PREPL: variants seen among roughly 807,000 people sequenced by gnomAD.
PREPL encodes prolyl endopeptidase-like.
Under a neutral mutation model 70.6 loss-of-function variants are expected in PREPL, and 77 were observed. The ratio of observed to expected loss-of-function variants is 1.09; its 90% confidence interval spans 0.91 to 1.32. The LOEUF is 1.32. Ranked by LOEUF, PREPL falls within the 40% of genes most tolerant of loss-of-function variation. The pLI is 0.00. For missense variants in PREPL, 1,002 were observed against 778.2 expected, an observed-to-expected ratio of 1.29 and a Z score of -3.42; for synonymous variants, 315 against 264.8, an observed-to-expected ratio of 1.19 and a Z score of -1.84.
rs779664958 is a variant in PREPL, at chr2:44,318,814, C to A, written c.*2542G>T. ...ACAAAATATAGTTCAATATGAAAAG[C>A]ATTATATGAGACAAAGGCAATTTTC... On this transcript the variant is annotated 3_prime_UTR_variant, in exon 14 of 14. Coordinates refer to ENST00000409411, the MANE Select transcript of PREPL (RefSeq NM_001171613.2). 2.0e-5 allele frequency: 3 copies of A among 152,086 alleles called. No homozygotes were observed. The highest frequency in any genetic ancestry group is 4.4e-5 in the Non-Finnish European group (3 of 68,006). The allele number at this position is 152,086 out of a possible 1,614,324, so 9.4% of individuals were successfully genotyped here.
At chr2:44,341,181 G>A (rs1213256694) in intron 5 of PREPL, among the ~76,000 whole-genome samples, 1 of 151,734 alleles carries the variant, frequency 6.6e-6, no homozygotes, top group Non-Finnish European at 1.5e-5. Flanking sequence ...TTTCTCAATG[G>A]GTTCTTTAAA....
At chr2:44,355,810 T>C (rs971498771) in intron 1 of PREPL, among the ~76,000 whole-genome samples, 47 of 150,944 alleles carry the variant, frequency 3.1e-4, no homozygotes, top group African/African-American at 1.1e-3. Context: ...TATGAGACTA[T>C]TGCAGGAGCT....
chr2:44,323,161 A>C, intron 11 of PREPL, 101 bp downstream of exon 11: 1 of 1,187,032 alleles, frequency 8.4e-7, no homozygotes, highest in East Asian at 2.4e-5. Flanking sequence ...ATAAGTAGAA[A>C]CATCTCTAAA....
intron 1 of PREPL, among the ~76,000 whole-genome samples, chr2:44,355,485 G>T (rs917136679): frequency 1.3e-5 from 2 of 152,124 alleles, no homozygotes; most frequent in African/African-American, 4.8e-5. Context: ...GGAGGTGGAG[G>T]TTGCAGTGAG....
At chr2:44,322,958 C>G in intron 11 of PREPL, 104 bp from the exon 12 acceptor site, 1 of 1,443,648 alleles carries the variant, frequency 6.9e-7, no homozygotes, top group Non-Finnish European at 9.3e-7. Flanking sequence ...CCTGTAAGTG[C>G]TCTATGCTTT....
chr2:44,361,619 A>C (rs931785236), upstream of PREPL: 9 of 179,430 alleles, frequency 5.0e-5, no homozygotes, highest in African/African-American at 1.9e-4. Context: ...GTTGTGGTCA[A>C]GGAGTCTTCT....
At chr2:44,327,054 T>C (rs775621342) in intron 9 of PREPL, 126 bp from the exon 10 acceptor site, 13 of 778,142 alleles carry the variant, frequency 1.7e-5, no homozygotes, top group Non-Finnish European at 2.7e-5. Flanking sequence ...TTTTTGCTTT[T>C]TAAAGGTTGA....
At chr2:44,325,341 G>A (rs980313784) in intron 10 of PREPL, among the ~76,000 whole-genome samples, 1 of 152,228 alleles carries the variant, frequency 6.6e-6, no homozygotes, top group Non-Finnish European at 1.5e-5. Context: ...TGCACTGGCA[G>A]TGTGAGGTGA....
At chr2:44,349,369 C>G (rs1295405489) in intron 1 of PREPL, among the ~76,000 whole-genome samples, 1 of 151,950 alleles carries the variant, frequency 6.6e-6, no homozygotes, top group East Asian at 1.9e-4. Flanking sequence ...CAAAAGAATA[C>G]AAGTGTCAAC....
chr2:44,356,315 G>T (rs779495956), intron 1 of PREPL: 16 of 152,236 alleles, frequency 1.1e-4, no homozygotes, highest in Admixed American at 1.0e-3. Flanking sequence ...GCCGAGGCAG[G>T]TGGATCACCT....
Position 44,346,252 on chromosome 2 carries a change from A to C in PREPL, c.75+16T>G. ...TAATATCAAAAATTTTTTTTTAAAG[A>C]CATGAGATATCTTACTTCCACATTG... On this transcript the variant is annotated intron_variant, in intron 2 of 13. Transcript: ENST00000409411. 6.3e-7 allele frequency: 1 copy of C among 1,599,202 alleles called. No individual in the cohort carries two copies. Among genetic ancestry groups the C allele is most frequent in the Non-Finnish European group, 8.5e-7 (1 of 1,175,036 alleles).
Position 44,321,169 on chromosome 2 carries a change from G to A in PREPL, c.*187C>T. 1 of 579,486 alleles carries A rather than the reference G, an allele frequency of 1.7e-6. No individual in the cohort carries two copies. The highest frequency in any genetic ancestry group is 3.1e-6 in the Non-Finnish European group (1 of 322,044). The allele number at this position is 579,486 out of a possible 1,614,324, so 35.9% of individuals were successfully genotyped here. ...TACTTTCCTAGGTTAATGGGCATGT[G>A]CATCAATGGAGAGAATAGTATAAGC... On this transcript the variant is annotated 3_prime_UTR_variant, in exon 14 of 14. Transcript: ENST00000409411.
At chr2:44,326,258 C>G (rs9678061) in intron 10 of PREPL, among the ~76,000 whole-genome samples, 21,872 of 152,046 alleles carry the variant, frequency 0.14, 1,922 homozygotes, top group African/African-American at 0.25. Flanking sequence ...AGAAGAATAA[C>G]GGTTAATAGT....
intron 6 of PREPL, 47 bp downstream of exon 6, chr2:44,339,100 G>T (rs1012302525): frequency 6.2e-7 from 1 of 1,602,510 alleles, no homozygotes; most frequent in African/African-American, 1.3e-5. Flanking sequence ...ATCGAAGTGT[G>T]ACACTTCTTA....
chr2:44,350,844 C>G (rs950657891), intron 1 of PREPL, among the ~76,000 whole-genome samples: 7 of 152,250 alleles, frequency 4.6e-5, no homozygotes, highest in Admixed American at 1.3e-4. Context: ...TGATCACTTC[C>G]TCCTCCTAAA....
At chr2:44,347,760 C>T (rs867430430) in intron 1 of PREPL, among the ~76,000 whole-genome samples, 2 of 152,114 alleles carry the variant, frequency 1.3e-5, no homozygotes, top group South Asian at 2.1e-4. Flanking sequence ...TGGTAAGGAT[C>T]GCCAACAGCT....
chr2:44,327,290 T>C (rs976210819), intron 9 of PREPL, among the ~76,000 whole-genome samples: 1 of 152,162 alleles, frequency 6.6e-6, no homozygotes, highest in Non-Finnish European at 1.5e-5. Flanking sequence ...AGTAATTTTG[T>C]GGGGTAAGAA....
At position 44,317,644 on chromosome 2, in the gene PREPL, C is replaced by G. The variant is rs1332760229; in HGVS notation, c.*3712G>C. The G allele has an allele frequency of 6.6e-6, 1 of 151,668 alleles. No homozygotes were observed. Among genetic ancestry groups the G allele is most frequent in the African/African-American group, 2.4e-5 (1 of 41,104 alleles). 9.4% of individuals were successfully genotyped at this position (151,668 alleles called of 1,614,324 possible). On this transcript the variant is annotated 3_prime_UTR_variant, in exon 14 of 14. Coordinates refer to ENST00000409411, the MANE Select transcript of PREPL (RefSeq NM_001171613.2). ...CATAATTTTAATGGTAAAATTAGGA[C>G]ATAAAAATAATTTTCAAAGAATTAT...
chr2:44,339,494 T>C (rs548719322), intron 5 of PREPL, 131 bp from the exon 6 acceptor site: 1 of 1,319,584 alleles, frequency 7.6e-7, no homozygotes, highest in African/African-American at 1.5e-5. Context: ...AAATAATTCC[T>C]TAGTGAATAT....
Sources: allele counts gnomAD v4.1 joint callset (sites outside exome capture counted in the v4.1 genomes callset), GRCh38; gene constraint gnomAD v4.1.1; transcripts MANE v1.5; gene names NCBI Gene and HGNC (gene_info 2026-07-23, HGNC 2026-07-21).